Variants in MED13L observed in about 807,000 individuals in gnomAD.
MED13L encodes mediator complex subunit 13L.
Under a neutral mutation model 220.9 loss-of-function variants are expected in MED13L, and 7 were observed. That is an observed-to-expected ratio of 0.03 (90% CI 0.02 to 0.06). MED13L has a LOEUF of 0.06. MED13L is among the 10% of genes least tolerant of loss of function. The pLI, the probability that MED13L is intolerant of heterozygous loss-of-function variation, is 1.00. For synonymous variants in MED13L, 1,011 were observed against 1,015.2 expected (o/e 1.00, Z 0.08); for missense variants, 1,965 against 2,760.5 (o/e 0.71, Z 6.46).
chr12:116,274,111 A>G (rs1873614793), intron 1 of MED13L, among the ~76,000 whole-genome samples: 2 of 152,228 alleles, frequency 1.3e-5, no homozygotes, highest in African/African-American at 4.8e-5. Flanking sequence ...AACTTATACA[A>G]TGACCCATAT....
intron 5 of MED13L, among the ~76,000 whole-genome samples, chr12:116,021,090 GAATAT>G (rs144539571): frequency 6.6e-6 from 1 of 152,154 alleles, no homozygotes; most frequent in African/African-American, 2.4e-5. Flanking sequence ...TAATTATGAT[GAATAT>G]AATTATCCAT....
chr12:116,111,307 A>G (rs1874058886), intron 3 of MED13L, 121 bp downstream of exon 3: 2 of 803,896 alleles, frequency 2.5e-6, no homozygotes, highest in African/African-American at 1.7e-5. Flanking sequence ...AGATTTATGT[A>G]ATTTTCATAC....
At chr12:116,033,830 T>C (rs1384781399) in intron 4 of MED13L, among the ~76,000 whole-genome samples, 2 of 152,198 alleles carry the variant, frequency 1.3e-5, no homozygotes, top group Non-Finnish European at 2.9e-5. Flanking sequence ...GCCCATCTAC[T>C]GCTTAAGTAC....
chr12:116,123,580 A>G (rs1317047676), intron 2 of MED13L, among the ~76,000 whole-genome samples: 1 of 152,162 alleles, frequency 6.6e-6, no homozygotes, highest in Non-Finnish European at 1.5e-5. Context: ...ACATGCACAC[A>G]CACGTGCACA....
chr12:116,096,571 A>C, intron 4 of MED13L, 98 bp downstream of exon 4: 1 of 862,396 alleles, frequency 1.2e-6, no homozygotes, highest in Non-Finnish European at 2.0e-6. Flanking sequence ...AGTATATCTA[A>C]ACTACTAACA....
intron 3 of MED13L, among the ~76,000 whole-genome samples, chr12:116,105,417 C>CA (rs1308229501): frequency 2.0e-5 from 3 of 151,778 alleles, no homozygotes; most frequent in Non-Finnish European, 2.9e-5. Flanking sequence ...ATTTTTCCAA[C>CA]AAAAAAAGAT....
intron 4 of MED13L, among the ~76,000 whole-genome samples, chr12:116,038,325 T>C (rs1257058875): frequency 6.6e-6 from 1 of 152,138 alleles, no homozygotes; most frequent in African/African-American, 2.4e-5. Flanking sequence ...TATATATCAC[T>C]GTGAACAATC....
At chr12:116,234,123 A>T (rs1371687673) in intron 2 of MED13L, among the ~76,000 whole-genome samples, 2 of 152,208 alleles carry the variant, frequency 1.3e-5, no homozygotes, top group African/African-American at 2.4e-5. Context: ...ATAACTAAAA[A>T]GCAATTTAAG....
rs1355422850 is a variant in MED13L at position 115,983,323 on chromosome 12, A to G, written c.4749T>C (p.Ser1583=). The part of the protein sequence containing the change: ...PAASSSASGS[S]VPPVSSSASA... ...AGGCAGACGATGAGACCGGTGGCACAGAGGAACCAGATGCAGAACTACTTG... is the reference window on the plus strand; with the variant it reads ...AGGCAGACGATGAGACCGGTGGCACGGAGGAACCAGATGCAGAACTACTTG... The change falls in exon 21 of 31, where the codon TCT becomes TCC. Residue 1583 remains serine, a synonymous_variant. Coordinates refer to ENST00000281928, the MANE Select transcript of MED13L (RefSeq NM_015335.5). The G allele has an allele frequency of 6.2e-7, 1 of 1,614,098 alleles. No individual in the cohort carries two copies. Among genetic ancestry groups the G allele is most frequent in the East Asian group, 2.2e-5 (1 of 44,886 alleles).
At position 115,991,933 on chromosome 12, in the gene MED13L, T is replaced by A; in HGVS notation, c.3021A>T (p.Leu1007=). 6.3e-7 allele frequency: 1 copy of A among 1,599,746 alleles called. No homozygotes were observed. The highest frequency in any genetic ancestry group is 8.5e-7 in the Non-Finnish European group (1 of 1,179,908). ...GYNNVPSVGS[L]ADPDYLNTPQ... Reference sequence around the variant, plus strand: ...GTGTGTTCAGATAGTCTGGATCTGCTAGGCTCCCAACACTAGGCACGTTAC... The same window carrying A: ...GTGTGTTCAGATAGTCTGGATCTGCAAGGCTCCCAACACTAGGCACGTTAC... Residue 1007 remains leucine (L), a synonymous_variant, in exon 17 of 31, where the codon CTA becomes CTT. Transcript: ENST00000281928. The surrounding 1 kb of genome is among the most constrained non-coding windows in gnomAD (Gnocchi z 7.7).
chr12:116,145,931 A>C (rs1877466561), intron 2 of MED13L, among the ~76,000 whole-genome samples: 1 of 152,128 alleles, frequency 6.6e-6, no homozygotes, highest in African/African-American at 2.4e-5. Flanking sequence ...GCAATAAATA[A>C]ACCAAATAAA....
At chr12:115,997,539 A>G (rs1878482832) in intron 14 of MED13L, among the ~76,000 whole-genome samples, 2 of 152,142 alleles carry the variant, frequency 1.3e-5, no homozygotes, top group South Asian at 2.1e-4. Flanking sequence ...CTTGTGCCTC[A>G]GCCTCCCAAG....
chr12:115,988,060 C>T (rs1016227354), intron 17 of MED13L, among the ~76,000 whole-genome samples: 2 of 152,100 alleles, frequency 1.3e-5, no homozygotes, highest in Admixed American at 6.5e-5. Flanking sequence ...GAGCTAATGA[C>T]GCTGGAGGTG....
At chr12:116,096,055 T>TA (rs1872608197) in intron 4 of MED13L, among the ~76,000 whole-genome samples, 1 of 151,930 alleles carries the variant, frequency 6.6e-6, no homozygotes, top group African/African-American at 2.4e-5. Flanking sequence ...ACAACACTTT[T>TA]AAAAAATCAA....
intron 2 of MED13L, among the ~76,000 whole-genome samples, chr12:116,195,213 T>A (rs1275529915): frequency 6.6e-6 from 1 of 151,936 alleles, no homozygotes; most frequent in East Asian, 1.9e-4. Context: ...TGCAGGTGTA[T>A]CTACCATCAG....
At chr12:116,170,610 T>TG (rs1329015199) in intron 2 of MED13L, among the ~76,000 whole-genome samples, 1 of 124,856 alleles carries the variant, frequency 8.0e-6, no homozygotes, top group African/African-American at 2.9e-5. Flanking sequence ...TTTTTTTTGT[T>TG]TTTTTTTTTT....
intron 17 of MED13L, among the ~76,000 whole-genome samples, chr12:115,990,550 T>C (rs1164840964): frequency 3.3e-5 from 5 of 151,942 alleles, no homozygotes; most frequent in African/African-American, 4.8e-5. Flanking sequence ...GTAACCACAA[T>C]GCAAAGTAAA....
At chr12:116,130,955 C>G (rs1196136750) in intron 2 of MED13L, among the ~76,000 whole-genome samples, 1 of 151,896 alleles carries the variant, frequency 6.6e-6, no homozygotes, top group Non-Finnish European at 1.5e-5. Context: ...TTCACTTAAA[C>G]ACACATGAAA....
chr12:116,058,993 T>C (rs1869213808), intron 4 of MED13L, among the ~76,000 whole-genome samples: 1 of 152,376 alleles, frequency 6.6e-6, no homozygotes, highest in South Asian at 2.1e-4. Context: ...AAAAAAGGTT[T>C]CCATTTATAC....
Sources: gnomAD v4.1 joint callset for allele counts (sites outside exome capture counted in the v4.1 genomes callset) on GRCh38, gnomAD v4.1.1 for gene constraint, Gnocchi (gnomAD v3.1) non-coding constraint, MANE v1.5 for transcripts, NCBI Gene and HGNC (gene_info 2026-07-23, HGNC 2026-07-21) for gene names.